CUX1: variants seen among roughly 807,000 people sequenced by gnomAD.
The protein encoded by CUX1 is cut like homeobox 1.
In CUX1, 31 loss-of-function variants were observed where a neutral mutation model predicts 158.8. The ratio of observed to expected loss-of-function variants is 0.20; its 90% CI spans 0.15 to 0.26. CUX1 has a LOEUF of 0.26. Ranked by LOEUF, CUX1 falls within the 10% of genes least tolerant of loss-of-function variation. The pLI, the probability that CUX1 is intolerant of heterozygous loss-of-function variation, is 1.00. For missense variants in CUX1, 1,589 were observed against 2,014.6 expected (o/e 0.79, Z 4.04); for synonymous variants, 879 against 862.1 (o/e 1.02, Z -0.34).
intron 3 of CUX1, among the ~76,000 whole-genome samples, chr7:102,043,609 A>G (rs1293959789): frequency 1.3e-5 from 2 of 152,010 alleles, no homozygotes; most frequent in East Asian, 1.9e-4. Context: ...AGAAAATCAC[A>G]TGTTTATTAC....
chr7:102,064,273 C>T (rs1459390427), intron 3 of CUX1, among the ~76,000 whole-genome samples: 1 of 152,086 alleles, frequency 6.6e-6, no homozygotes, highest in East Asian at 1.9e-4. Flanking sequence ...TGGTCTTGAA[C>T]TCCTGGGCTC....
chr7:102,031,284 C>T (rs1268186655), intron 3 of CUX1, among the ~76,000 whole-genome samples: 1 of 152,148 alleles, frequency 6.6e-6, no homozygotes, highest in Admixed American at 6.6e-5. Context: ...GTCTCAAACT[C>T]CTGACCTCAA....
chr7:101,837,828 CAAAAAAAAAAAAAAAA>C (rs200090006), intron 1 of CUX1, among the ~76,000 whole-genome samples: 9 of 44,374 alleles, frequency 2.0e-4, no homozygotes, highest in Admixed American at 3.9e-4. Context: ...GAGACCCTGT[CAAAAAAAAAAAAAAAA>C]AAAAAAAAAA....
chr7:102,260,555 C>T (rs1369506958), downstream of CUX1, among the ~76,000 whole-genome samples: 6 of 140,108 alleles, frequency 4.3e-5, no homozygotes, highest in Admixed American at 1.5e-4. Context: ...TATAGGTGCC[C>T]GCCACCACAC....
intron 3 of CUX1, among the ~76,000 whole-genome samples, chr7:102,062,513 C>T (rs1475398839): frequency 6.6e-6 from 1 of 152,112 alleles, no homozygotes; most frequent in African/African-American, 2.4e-5. Context: ...AGACATTTGT[C>T]TTTCTCTTAT....
At chr7:102,185,812 C>T (rs1364569496) in intron 11 of CUX1, among the ~76,000 whole-genome samples, 2 of 152,134 alleles carry the variant, frequency 1.3e-5, no homozygotes, top group Non-Finnish European at 2.9e-5. Flanking sequence ...TCTCCGGCAT[C>T]TCACTTCCTC....
rs138450169 is a variant in CUX1, at chr7:102,277,958, C to T, written c.1573C>T (p.Leu525=). ...GCCCCTCCCCCCCCAGGAGAACCGC[C>T]TGGCCCAGCACACCCTCCAGGCCCT... The change falls in exon 18 of 23, where the codon CTG becomes TTG. Residue 525 remains leucine (L), a synonymous_variant. Transcript: ENST00000292538. 5.9e-6 allele frequency: 9 copies of T among 1,537,436 alleles called. No homozygotes were observed. The South Asian group carries it at 1.1e-4, about 19-fold the overall frequency.
chr7:101,843,942 C>T (rs534082741), intron 1 of CUX1, among the ~76,000 whole-genome samples: 2 of 152,230 alleles, frequency 1.3e-5, no homozygotes, highest in African/African-American at 2.4e-5. Flanking sequence ...TAGAGCCAGA[C>T]GGCCATTTGC....
chr7:101,980,793 G>A (rs555561806), intron 2 of CUX1, among the ~76,000 whole-genome samples: 45 of 152,096 alleles, frequency 3.0e-4, no homozygotes, highest in South Asian at 2.5e-3. Flanking sequence ...CCAGCCCGCC[G>A]TCCGCACGGA....
rs1019788457 is a variant in CUX1, at chr7:102,257,069, C to T, written c.*8027C>T. On this transcript the variant is annotated 3_prime_UTR_variant, in exon 24 of 24. Coordinates refer to ENST00000292535, the MANE Select transcript of CUX1 (RefSeq NM_181552.4). ...GCCCCAAGCTCAGCCAGCAGGACAC[C>T]CAGTTGTTGCCAATCAGGTGTGAAG... 1.6e-5 allele frequency: 16 copies of T among 985,214 alleles called. No homozygotes were observed. Among genetic ancestry groups the T allele is most frequent in the Non-Finnish European group, 1.9e-5 (16 of 829,978 alleles). The allele number at this position is 985,214 out of a possible 1,614,324, so 61.0% of individuals were successfully genotyped here.
intron 3 of CUX1, among the ~76,000 whole-genome samples, chr7:102,063,616 C>T (rs923088935): frequency 6.6e-6 from 1 of 152,096 alleles, no homozygotes; most frequent in African/African-American, 2.4e-5. Flanking sequence ...TGGTCTCGAA[C>T]TCCTGACCTC....
At chr7:102,010,110 T>C (rs1362107948) in intron 2 of CUX1, among the ~76,000 whole-genome samples, 6 of 151,744 alleles carry the variant, frequency 4.0e-5, no homozygotes, top group Non-Finnish European at 7.4e-5. Flanking sequence ...ACAGCAAGGG[T>C]GCAGCTGGGT....
At chr7:102,210,943 A>T (rs1181573836) in intron 20 of CUX1, among the ~76,000 whole-genome samples, 3 of 152,168 alleles carry the variant, frequency 2.0e-5, no homozygotes, top group African/African-American at 4.8e-5. Context: ...CATGGCTCTT[A>T]GCTGGTTCCC....
intron 19 of CUX1, 36 bp downstream of exon 19, chr7:102,204,592 C>G (rs781895228): frequency 1.2e-6 from 2 of 1,603,740 alleles, no homozygotes; most frequent in Non-Finnish European, 1.7e-6. Context: ...GGGGCTGCCC[C>G]CCCATAGCAA....
intron 2 of CUX1, 71 bp from the exon 3 acceptor site, chr7:102,028,027 G>C: frequency 6.5e-7 from 1 of 1,538,536 alleles, no homozygotes; most frequent in Non-Finnish European, 9.0e-7. Flanking sequence ...GTTTTTAGGA[G>C]GCCTTAACCA....
chr7:101,846,907 C>T (rs780258081), intron 1 of CUX1, among the ~76,000 whole-genome samples: 10 of 151,710 alleles, frequency 6.6e-5, no homozygotes, highest in South Asian at 2.1e-4. Flanking sequence ...CAAAGTGAGA[C>T]GATAACTTGA....
At chr7:101,858,064 A>G (rs1422260761) in intron 1 of CUX1, among the ~76,000 whole-genome samples, 2 of 152,244 alleles carry the variant, frequency 1.3e-5, no homozygotes, top group Non-Finnish European at 2.9e-5. Context: ...CGGAGGTTAC[A>G]GTGAGCCAAG....
intron 22 of CUX1, among the ~76,000 whole-genome samples, chr7:102,237,515 C>T (rs56076326): frequency 0.2 from 30,554 of 152,060 alleles, 3,716 homozygotes; most frequent in Non-Finnish European, 0.28. Context: ...CTCCTAGGCT[C>T]GAGCAATCCT....
rs554373947 is a variant in CUX1, at chr7:102,084,115, A to G, written c.269-13249A>G. 1.1e-3 allele frequency among the ~76,000 whole-genome samples: 158 copies of G among 145,766 alleles called. 5 individuals are homozygous for G. The highest frequency in any genetic ancestry group is 3.8e-3 in the African/African-American group (155 of 41,026). The stretch of plus-strand genomic sequence containing the variant: ...TGGCCAGGCTGGTCCCAAACTCCTG[A>G]CTTCAAGTGATCTGCCCACCTCAGC... On this transcript the variant is annotated intron_variant, in intron 4 of 23. Transcript: ENST00000292535.
Sources: allele counts gnomAD v4.1 joint callset (sites outside exome capture counted in the v4.1 genomes callset), GRCh38; gene constraint gnomAD v4.1.1; transcripts MANE v1.5; gene names NCBI Gene and HGNC (gene_info 2026-07-23, HGNC 2026-07-21).